The following VRTN variants were observed in gnomAD, a reference collection of about 807,000 sequenced individuals.
The protein encoded by VRTN is vertebrae development associated.
In VRTN, 5 loss-of-function variants were observed where a neutral mutation model predicts 18.2. The observed-to-expected ratio is 0.27, with a 90% CI of 0.14 to 0.58. VRTN has a LOEUF of 0.58. Among genes scored for constraint, VRTN ranks in the 20% least tolerant of loss-of-function variants. The pLI is 0.91. For synonymous variants in VRTN, 381 were observed against 393.7 expected (o/e 0.97, Z 0.38); for missense variants, 741 against 939.4 (o/e 0.79, Z 2.76).
At chr14:74,314,727 G>A (rs1266948960) in intron 1 of VRTN, among the ~76,000 whole-genome samples, 1 of 152,096 alleles carries the variant, frequency 6.6e-6, no homozygotes, top group East Asian at 1.9e-4. Context: ...TTTATGCTTA[G>A]ATTCAGTGAA....
At position 74,358,108 on chromosome 14, in the gene VRTN, AG is replaced by A; in HGVS notation, c.1327del (p.Ala443ProfsTer22). On this transcript the variant is annotated frameshift_variant, in exon 2 of 2. Transcript: ENST00000256362. LOFTEE classifies it low-confidence loss of function (END_TRUNC). This position sits in a 1 kb window ranked among gnomAD's most constrained non-coding sequence, Gnocchi z 5.4. ...TCCACTTATTATAATTGGCGGCGAA[AG>A]GCCCTCCGGAGGAACCCCAGCTTCA... ...SRSTYYNWRR[K>X]ALRRNPSFKP... 6.2e-7 allele frequency: 1 copy of A among 1,614,122 alleles called. No individual in the cohort carries two copies. The highest frequency in any genetic ancestry group is 1.1e-5 in the South Asian group (1 of 91,082).
chr14:74,338,525 C>A (rs1311614447), intron 2 of VRTN, among the ~76,000 whole-genome samples: 1 of 152,138 alleles, frequency 6.6e-6, no homozygotes, highest in Non-Finnish European at 1.5e-5. Context: ...GAGTATAATG[C>A]CTACACAGAG....
chr14:74,331,980 A>G (rs935733136), intron 1 of VRTN, among the ~76,000 whole-genome samples: 3 of 152,052 alleles, frequency 2.0e-5, no homozygotes, highest in African/African-American at 4.8e-5. Context: ...AAAGGAAGGG[A>G]GCATGTGGCT....
intron 1 of VRTN, among the ~76,000 whole-genome samples, chr14:74,334,659 T>C (rs984005091): frequency 1.3e-5 from 2 of 152,238 alleles, no homozygotes; most frequent in Admixed American, 1.3e-4. Flanking sequence ...ATGGTTAAAC[T>C]TCCCAACATA....
At chr14:74,341,956 T>C (rs1339463964) in intron 2 of VRTN, among the ~76,000 whole-genome samples, 1 of 149,430 alleles carries the variant, frequency 6.7e-6, no homozygotes, top group Non-Finnish European at 1.5e-5. Flanking sequence ...AAACTGGGAT[T>C]TTGGTGTTTG....
intron 1 of VRTN, among the ~76,000 whole-genome samples, chr14:74,332,975 G>A (rs937083494): frequency 6.6e-6 from 1 of 152,054 alleles, no homozygotes; most frequent in Non-Finnish European, 1.5e-5. Context: ...TTCTATTCTC[G>A]GGTTATGGTT....
intron 1 of VRTN, among the ~76,000 whole-genome samples, chr14:74,325,558 A>G (rs958158055): frequency 6.6e-6 from 1 of 151,890 alleles, no homozygotes; most frequent in Non-Finnish European, 1.5e-5. Flanking sequence ...CTGTTACCCC[A>G]GCACTTTGGG....
intron 1 of VRTN, 108 bp downstream of exon 1, chr14:74,348,760 G>C (rs1467549538): frequency 6.6e-6 from 1 of 152,410 alleles, no homozygotes; most frequent in Non-Finnish European, 1.5e-5. Flanking sequence ...ACTGGGCCCA[G>C]GTCAAGGAGT....
At chr14:74,306,475 T>A (rs1214265293) in intron 1 of VRTN, 1 of 152,476 alleles carries the variant, frequency 6.6e-6, no homozygotes, top group Admixed American at 6.6e-5. Context: ...TGTGAGCCAC[T>A]GCACCTGGCC....
chr14:74,327,713 A>T lies in VRTN; in HGVS notation c.-163-10010A>T, dbSNP rs369247709. ...CATAAGCACTGGTTGATTTTATTTT[A>T]TTATTATTATTATTATTATTTGAGA... On this transcript the variant is annotated intron_variant, in intron 1 of 2. Coordinates refer to the VRTN transcript ENST00000557177. Among the ~76,000 whole-genome samples the T allele has an allele frequency of 3.7e-4, 56 of 151,202 alleles. No homozygotes were observed. In the East Asian group the frequency reaches 4.3e-3, roughly 12 times the overall value.
Position 74,357,235 on chromosome 14 carries a change from C to T in VRTN, c.452C>T (p.Ala151Val). The T allele has an allele frequency of 6.2e-7, 1 of 1,613,310 alleles. No homozygotes were observed. Among genetic ancestry groups the T allele is most frequent in the Non-Finnish European group, 8.5e-7 (1 of 1,179,836 alleles). Residue 151 changes from alanine (A) to valine (V), a missense_variant, in exon 2 of 2, where the codon GCC (alanine) becomes GTC (valine). Physicochemically the swap from Ala to Val is moderately conservative, Grantham distance 64 (BLOSUM62 0). Coordinates refer to ENST00000256362, the MANE Select transcript of VRTN (RefSeq NM_018228.3). This position sits in a 1 kb window ranked among gnomAD's most constrained non-coding sequence, Gnocchi z 7.8. ...ESPEMTSLPP[A>V]TLEAIFDADV... ...CCTGAGATGACCAGCTTGCCCCCCG[C>T]CACGCTGGAGGCCATCTTCGATGCC...
intron 1 of VRTN, among the ~76,000 whole-genome samples, chr14:74,320,157 C>T (rs950511689): frequency 2.6e-5 from 4 of 151,336 alleles, no homozygotes; most frequent in African/African-American, 7.3e-5. Flanking sequence ...AGCTGAAGTG[C>T]GAGGATTGCT....
rs34989169 is a variant in VRTN at position 74,351,647 on chromosome 14, A to AT, written c.-2+3006dup. On this transcript the variant is annotated intron_variant, in intron 1 of 1. Coordinates refer to ENST00000256362, the MANE Select transcript of VRTN (RefSeq NM_018228.3). ...CAGGCACATGCTACTATGCAGGCTA[A>AT]TTTTTTTTTTTCCGTAGAGATGGGG... Among the ~76,000 whole-genome samples the AT allele has an allele frequency of 3.1e-3, 458 of 146,906 alleles. 1 individual carries two copies. The highest frequency in any genetic ancestry group is 8.9e-3 in the South Asian group (41 of 4,602).
At chr14:74,331,528 T>G (rs2085523184) in intron 1 of VRTN, among the ~76,000 whole-genome samples, 1 of 79,946 alleles carries the variant, frequency 1.3e-5, no homozygotes, top group Non-Finnish European at 2.7e-5. Flanking sequence ...AAACTCCATC[T>G]CAAAAAAAAA....
rs1179501666 is a variant in VRTN at position 74,358,480 on chromosome 14, G to T, written c.1697G>T (p.Gly566Val). ...SKLQVPVPTL[G>V]KGGQEAEEKQ... ...CTTCAGGTGCCGGTCCCCACCTTGGGCAAAGGGGGGCAGGAGGCTGAGGAG... is the reference window on the plus strand; with the variant it reads ...CTTCAGGTGCCGGTCCCCACCTTGGTCAAAGGGGGGCAGGAGGCTGAGGAG... Residue 566 changes from glycine to valine, a missense_variant, in exon 2 of 2, where the codon GGC becomes GTC. Transcript: ENST00000256362. The surrounding 1 kb of genome is among the most constrained non-coding windows in gnomAD (Gnocchi z 5.4). 2 of 1,614,158 alleles carry T rather than the reference G, an allele frequency of 1.2e-6. No individual in the cohort carries two copies. Among genetic ancestry groups the T allele is most frequent in the Non-Finnish European group, 8.5e-7 (1 of 1,180,022 alleles).
intron 1 of VRTN, among the ~76,000 whole-genome samples, chr14:74,324,442 G>A (rs2085475893): frequency 6.7e-6 from 1 of 148,166 alleles, no homozygotes; most frequent in Non-Finnish European, 1.5e-5. Context: ...TTCTCTTACA[G>A]CATTAAAATG....
At position 74,358,269 on chromosome 14, in the gene VRTN, G is replaced by A; in HGVS notation, c.1486G>A (p.Glu496Lys). The part of the protein sequence containing the change: ...ATGEDPPAPG[E>K]LLPLRMPLSR... ...AGGTGAGGACCCTCCCGCCCCCGGG[G>A]AGCTCCTGCCACTAAGGATGCCCCT... is the stretch of plus-strand genomic sequence containing the variant. Residue 496 changes from glutamate (E) to lysine (K), a missense_variant, in exon 2 of 2, where the codon GAG becomes AAG. This residue lies in a region of VRTN where 494 missense variants were observed against 546.5 expected (regional missense o/e 0.90). Coordinates refer to ENST00000256362, the MANE Select transcript of VRTN (RefSeq NM_018228.3). The surrounding 1 kb of genome is among the most constrained non-coding windows in gnomAD (Gnocchi z 5.4). The A allele has an allele frequency of 1.2e-6, 2 of 1,611,024 alleles. No homozygotes were observed. Among genetic ancestry groups the A allele is most frequent in the Non-Finnish European group, 1.7e-6 (2 of 1,178,260 alleles).
intron 1 of VRTN, among the ~76,000 whole-genome samples, chr14:74,332,941 A>C (rs2085538213): frequency 6.6e-6 from 1 of 152,118 alleles, no homozygotes; most frequent in South Asian, 2.1e-4. Context: ...GCATTCAGAC[A>C]TGTCTGTTAC....
upstream of VRTN, among the ~76,000 whole-genome samples, chr14:74,344,002 G>A (rs1316506045): frequency 6.7e-6 from 1 of 150,280 alleles, no homozygotes; most frequent in African/African-American, 2.4e-5. Flanking sequence ...TTCACCATGT[G>A]GGCCAGGCTG....
Sources: gnomAD v4.1 joint callset for allele counts (sites outside exome capture counted in the v4.1 genomes callset) on GRCh38, gnomAD v4.1.1 for gene constraint, gnomAD v4.1.1 regional missense constraint, Gnocchi (gnomAD v3.1) non-coding constraint, MANE v1.5 for transcripts, NCBI Gene and HGNC (gene_info 2026-07-23, HGNC 2026-07-21) for gene names.